Variants in PTK2 observed in about 807,000 individuals in gnomAD.
PTK2 encodes focal adhesion kinase 1.
Under a neutral mutation model 150.1 loss-of-function variants are expected in PTK2, and 45 were observed. The ratio of observed to expected loss-of-function variants is 0.30; its 90% CI spans 0.24 to 0.38. The LOEUF is 0.38. Among genes scored for constraint, PTK2 ranks in the 10% least tolerant of loss-of-function variants. The pLI is 1.00. For synonymous variants in PTK2, 432 were observed against 449.2 expected, an observed-to-expected ratio of 0.96 and a Z score of 0.48; for missense variants, 919 against 1,307.3, an observed-to-expected ratio of 0.70 and a Z score of 4.58.
intron 10 of PTK2, among the ~76,000 whole-genome samples, chr8:140,812,645 A>AGTG (rs1391191503): frequency 6.6e-6 from 1 of 152,228 alleles, no homozygotes; most frequent in African/African-American, 2.4e-5. Flanking sequence ...CCTATCTCAC[A>AGTG]TGCAATGACA....
At chr8:140,773,509 G>C (rs1311638651) in intron 14 of PTK2, among the ~76,000 whole-genome samples, 1 of 152,208 alleles carries the variant, frequency 6.6e-6, no homozygotes, top group Non-Finnish European at 1.5e-5. Context: ...AAGACTTCCA[G>C]GAGGAGAGGG....
intron 1 of PTK2, among the ~76,000 whole-genome samples, chr8:140,959,622 A>G (rs1419766740): frequency 6.6e-6 from 1 of 151,700 alleles, no homozygotes; most frequent in Non-Finnish European, 1.5e-5. Context: ...CTATATACTT[A>G]TATCTACGTT....
At chr8:140,826,421 C>A (rs2100111818) in intron 8 of PTK2, among the ~76,000 whole-genome samples, 1 of 152,270 alleles carries the variant, frequency 6.6e-6, no homozygotes, top group Middle Eastern at 3.4e-3. Flanking sequence ...TTATGAATTC[C>A]TAAGCCAAAT....
chr8:140,986,898 A>C (rs1337854998), intron 1 of PTK2, among the ~76,000 whole-genome samples: 1 of 152,222 alleles, frequency 6.6e-6, no homozygotes, highest in Non-Finnish European at 1.5e-5. Flanking sequence ...ACCTAAAAGT[A>C]AAATCTAAAA....
chr8:140,985,103 T>C (rs1184614983), intron 1 of PTK2, among the ~76,000 whole-genome samples: 4 of 152,130 alleles, frequency 2.6e-5, no homozygotes, highest in Admixed American at 6.6e-5. Flanking sequence ...TATCCTGACA[T>C]AGCTTTTCAT....
chr8:140,689,246 C>T (rs2100021731), intron 26 of PTK2, among the ~76,000 whole-genome samples: 1 of 152,194 alleles, frequency 6.6e-6, no homozygotes, highest in Non-Finnish European at 1.5e-5. Context: ...GAAGAGGCAG[C>T]TTTGTGGGGC....
At position 140,669,306 on chromosome 8, in the gene PTK2, T is replaced by C. The variant is rs1213669086; in HGVS notation, c.2710-882A>G. ...AATTACACCAGCATAAAATGGTATA[T>C]ATATATATATATATATATATATATA... On this transcript the variant is annotated intron_variant, in intron 29 of 31. Transcript: ENST00000522684. 4.2e-4 allele frequency: 6 copies of C among 14,442 alleles called. 1 individual carries two copies. The highest frequency in any genetic ancestry group is 4.3e-4 in the African/African-American group (4 of 9,246). The allele number at this position is 14,442 out of a possible 1,614,324, so 0.9% of individuals were successfully genotyped here.
chr8:140,878,428 C>T (rs1241371718), intron 4 of PTK2, among the ~76,000 whole-genome samples: 2 of 151,998 alleles, frequency 1.3e-5, no homozygotes, highest in Admixed American at 1.3e-4. Context: ...GCTGAAACCC[C>T]AGCTCTGTAA....
chr8:140,908,433 A>C (rs1159484517), intron 2 of PTK2, among the ~76,000 whole-genome samples: 1 of 152,264 alleles, frequency 6.6e-6, no homozygotes, highest in African/African-American at 2.4e-5. Flanking sequence ...ATCACTGATT[A>C]ATGTGGCTAC....
chr8:140,699,139 G>C (rs2154058244), intron 26 of PTK2, among the ~76,000 whole-genome samples: 1 of 152,090 alleles, frequency 6.6e-6, no homozygotes, highest in African/African-American at 2.4e-5. Context: ...CAGAAGGAAA[G>C]TTTTATCCTA....
chr8:140,902,924 G>GT (rs61261890), intron 2 of PTK2, among the ~76,000 whole-genome samples: 11 of 58,962 alleles, frequency 1.9e-4, no homozygotes, highest in African/African-American at 5.4e-4. Context: ...GATGAGAGTT[G>GT]TTTTTTTTTT....
At chr8:140,714,027 C>G (rs1018418224) in intron 23 of PTK2, among the ~76,000 whole-genome samples, 6 of 151,970 alleles carry the variant, frequency 3.9e-5, no homozygotes, top group African/African-American at 1.5e-4. Context: ...TAGCTAGGAC[C>G]ACAGGCACAC....
exon 26 of PTK2, chr8:140,700,984 C>G: frequency 6.2e-7 from 1 of 1,614,066 alleles, no homozygotes. Flanking sequence ...GGGTTGGCAA[C>G]ACTTGCCCAA....
rs551600386 is a variant in PTK2 at position 140,845,784 on chromosome 8, C to T, written c.593+476G>A. Among the ~76,000 whole-genome samples the T allele has an allele frequency of 2.6e-5, 4 of 152,236 alleles. No individual in the cohort carries two copies. The East Asian group carries it at 5.8e-4, about 22-fold the overall frequency. ...CTAGCCTCCCACGACATAAACTCCA[C>T]GTTGGGTTAATTTAATACAATCTAA... On this transcript the variant is annotated intron_variant, in intron 7 of 31. Transcript: ENST00000522684.
chr8:140,898,749 A>G (rs751628023), intron 2 of PTK2, among the ~76,000 whole-genome samples: 2 of 152,184 alleles, frequency 1.3e-5, no homozygotes, highest in South Asian at 2.1e-4. Context: ...TTAAGATCCC[A>G]CCAAGATAAC....
intron 1 of PTK2, among the ~76,000 whole-genome samples, chr8:140,981,696 G>C (rs1192644456): frequency 6.6e-6 from 1 of 152,204 alleles, no homozygotes; most frequent in East Asian, 1.9e-4. Context: ...AGTTTTACTA[G>C]ACACAGCCAG....
intron 24 of PTK2, among the ~76,000 whole-genome samples, chr8:140,703,112 GAGGC>G (rs908487256): frequency 3.9e-5 from 6 of 152,086 alleles, no homozygotes; most frequent in African/African-American, 9.7e-5. Context: ...TTGGGAGGCC[GAGGC>G]AGGCGGATCA....
intron 4 of PTK2, among the ~76,000 whole-genome samples, chr8:140,877,218 A>G (rs2100146152): frequency 6.6e-6 from 1 of 151,832 alleles, no homozygotes; most frequent in South Asian, 2.1e-4. Context: ...TTTTTAGTAG[A>G]GACAGGGTTT....
intron 1 of PTK2, among the ~76,000 whole-genome samples, chr8:140,983,162 G>A (rs774980860): frequency 3.3e-5 from 5 of 152,016 alleles, no homozygotes; most frequent in Admixed American, 3.3e-4. Flanking sequence ...CAAGGCAGGC[G>A]GATCTTCTGA....
Sources: gnomAD v4.1 joint callset for allele counts (sites outside exome capture counted in the v4.1 genomes callset) on GRCh38, gnomAD v4.1.1 for gene constraint, MANE v1.5 for transcripts, NCBI Gene and HGNC (gene_info 2026-07-23, HGNC 2026-07-21) for gene names.